Variants in FGGY observed in about 807,000 individuals in gnomAD.
The protein encoded by FGGY is FGGY carbohydrate kinase domain-containing protein.
FGGY carries 72 observed loss-of-function variants against 71.3 expected under a neutral mutation model. The ratio of observed to expected loss-of-function variants is 1.01; its 90% CI spans 0.84 to 1.23. The LOEUF is 1.23. Among genes scored for constraint, FGGY ranks in the 50% most tolerant of loss-of-function variants. The pLI is 0.00. For missense variants in FGGY, 668 were observed against 682.3 expected (o/e 0.98, Z 0.23); for synonymous variants, 251 against 250.3 (o/e 1.00, Z -0.02).
At chr1:59,653,097 G>C (rs1049086064) in intron 11 of FGGY, among the ~76,000 whole-genome samples, 25 of 152,220 alleles carry the variant, frequency 1.6e-4, no homozygotes, top group Non-Finnish European at 2.9e-5. Flanking sequence ...ACTTGAGGAG[G>C]CAGTCTGCGG....
chr1:59,367,387 T>C (rs1223653823), intron 4 of FGGY, among the ~76,000 whole-genome samples: 1 of 152,216 alleles, frequency 6.6e-6, no homozygotes, highest in Admixed American at 6.5e-5. Flanking sequence ...GTGCCCTAAT[T>C]TGGAGTCTTG....
intron 14 of FGGY, chr1:59,698,771 C>T (rs933456248): frequency 2.7e-4 from 266 of 985,322 alleles, no homozygotes; most frequent in Non-Finnish European, 3.1e-4. Context: ...AAAGAGAAAG[C>T]CCTTTAAAAG....
chr1:59,667,491 G>T, intron 13 of FGGY, 88 bp downstream of exon 13: 2 of 1,448,002 alleles, frequency 1.4e-6, no homozygotes, highest in Non-Finnish European at 1.9e-6. Context: ...AGAATAGGAG[G>T]ATATATGCGG....
chr1:59,501,501 T>G (rs2094221159), intron 6 of FGGY, among the ~76,000 whole-genome samples: 1 of 152,222 alleles, frequency 6.6e-6, no homozygotes, highest in Non-Finnish European at 1.5e-5. Context: ...TAAAGTATTT[T>G]CATGTATTTC....
At chr1:59,639,389 GAAAAGA>G (rs978390105) in intron 11 of FGGY, among the ~76,000 whole-genome samples, 4 of 152,174 alleles carry the variant, frequency 2.6e-5, no homozygotes, top group Non-Finnish European at 5.9e-5. Flanking sequence ...GAGTCATGGT[GAAAAGA>G]AAAGAAAATT....
intron 5 of FGGY, among the ~76,000 whole-genome samples, chr1:59,415,976 A>G (rs1020043357): frequency 2.0e-5 from 3 of 152,200 alleles, no homozygotes; most frequent in South Asian, 2.1e-4. Context: ...GGAGAGGTAT[A>G]TTACAGTGAT....
In FGGY at chr1:59,571,319, T is replaced by C. The variant is rs148867626; in HGVS notation, c.903+17092T>C. Among the ~76,000 whole-genome samples the C allele has an allele frequency of 2.3e-3, 355 of 152,358 alleles. 2 individuals carry two copies. Among genetic ancestry groups the C allele is most frequent in the African/African-American group, 7.9e-3 (327 of 41,576 alleles). On this transcript the variant is annotated intron_variant, in intron 8 of 15. Coordinates refer to ENST00000303721, the MANE Select transcript of FGGY (RefSeq NM_018291.5). Reference sequence around the variant, plus strand: ...TTTCTTACCAGACTGCTTTATTTTATGTAGCCAGTTGTTTAGAGCATTCAC... The same window carrying C: ...TTTCTTACCAGACTGCTTTATTTTACGTAGCCAGTTGTTTAGAGCATTCAC...
chr1:59,653,440 G>C (rs987399298), intron 11 of FGGY, among the ~76,000 whole-genome samples: 4 of 152,180 alleles, frequency 2.6e-5, no homozygotes, highest in Admixed American at 6.5e-5. Flanking sequence ...GCCAGGTGTG[G>C]GATATAGTCT....
chr1:59,315,277 T>A (rs1030104208), intron 1 of FGGY, among the ~76,000 whole-genome samples: 2 of 152,134 alleles, frequency 1.3e-5, no homozygotes, highest in Non-Finnish European at 2.9e-5. Context: ...TCTGCTTTTT[T>A]TTTTCCTTCT....
intron 14 of FGGY, among the ~76,000 whole-genome samples, chr1:59,717,559 A>C (rs989813767): frequency 6.6e-6 from 1 of 152,170 alleles, no homozygotes; most frequent in Admixed American, 6.6e-5. Flanking sequence ...CAATCCTGGG[A>C]TGAACACCCA....
intron 8 of FGGY, among the ~76,000 whole-genome samples, chr1:59,579,539 A>G (rs892091673): frequency 6.6e-6 from 1 of 152,160 alleles, no homozygotes; most frequent in Non-Finnish European, 1.5e-5. Flanking sequence ...TGAAAGAACA[A>G]TTCTATTCAT....
chr1:59,639,597 A>G (rs1166726583), intron 11 of FGGY, among the ~76,000 whole-genome samples: 1 of 152,136 alleles, frequency 6.6e-6, no homozygotes, highest in African/African-American at 2.4e-5. Flanking sequence ...GGGGAAGAAC[A>G]CATTTCATAT....
chr1:59,752,238 C>T (rs1452330054), intron 14 of FGGY, among the ~76,000 whole-genome samples: 3 of 152,220 alleles, frequency 2.0e-5, no homozygotes. Context: ...TTAAGAAACA[C>T]TGCCATCACT....
intron 8 of FGGY, among the ~76,000 whole-genome samples, chr1:59,605,098 A>G (rs1191886821): frequency 7.2e-5 from 11 of 152,132 alleles, no homozygotes. Flanking sequence ...AATAATTTCC[A>G]TGCATGTTTT....
intron 4 of FGGY, among the ~76,000 whole-genome samples, chr1:59,352,680 A>G (rs1448415535): frequency 3.3e-5 from 5 of 152,210 alleles, no homozygotes; most frequent in African/African-American, 4.8e-5. Context: ...AGTGCTTTGC[A>G]GTAGGAACTG....
intron 9 of FGGY, among the ~76,000 whole-genome samples, chr1:59,619,132 G>T (rs947151870): frequency 6.6e-6 from 1 of 152,004 alleles, no homozygotes. Context: ...TAGCTCTTCA[G>T]TTGTCATTAG....
At chr1:59,343,169 T>C (rs1159543595) in intron 3 of FGGY, among the ~76,000 whole-genome samples, 1 of 152,192 alleles carries the variant, frequency 6.6e-6, no homozygotes, top group African/African-American at 2.4e-5. Flanking sequence ...TGATTCATAA[T>C]ATTTTTTCCC....
chr1:59,416,219 A>G (rs926865878), intron 5 of FGGY, among the ~76,000 whole-genome samples: 1 of 152,172 alleles, frequency 6.6e-6, no homozygotes, highest in East Asian at 1.9e-4. Context: ...AGGGAGCAAA[A>G]ATTGGTTCTT....
intron 8 of FGGY, among the ~76,000 whole-genome samples, chr1:59,574,289 G>A (rs542661211): frequency 1.3e-5 from 2 of 152,204 alleles, no homozygotes; most frequent in East Asian, 3.9e-4. Context: ...TTCCAGCCTT[G>A]CCTTCTGTGG....
Sources: gnomAD v4.1 joint callset for allele counts (sites outside exome capture counted in the v4.1 genomes callset) on GRCh38, gnomAD v4.1.1 for gene constraint, MANE v1.5 for transcripts, NCBI Gene and HGNC (gene_info 2026-07-23, HGNC 2026-07-21) for gene names.